Variants in RALGPS2 observed in about 807,000 individuals in gnomAD.
The protein encoded by RALGPS2 is Ral GEF with PH domain and SH3 binding motif 2, also known as ras-specific guanine nucleotide-releasing factor RalGPS2.
Under a neutral mutation model 86.8 loss-of-function variants are expected in RALGPS2, and 43 were observed. The observed-to-expected ratio is 0.50, with a 90% confidence interval of 0.39 to 0.64. The LOEUF (loss-of-function observed/expected upper bound fraction) is 0.64, where lower values mean the gene tolerates loss of function less well. Ranked by LOEUF, RALGPS2 falls within the 30% of genes least tolerant of loss-of-function variation. The pLI is 0.00. For missense variants in RALGPS2, 536 were observed against 694.6 expected (o/e 0.77, Z 2.57); for synonymous variants, 243 against 231.3 (o/e 1.05, Z -0.46).
intron 1 of RALGPS2, among the ~76,000 whole-genome samples, chr1:178,740,163 ATAAC>A (rs1256442904): frequency 1.3e-5 from 2 of 152,218 alleles, no homozygotes; most frequent in African/African-American, 2.4e-5. Context: ...CTTAACTACT[ATAAC>A]TAAGTAGATT....
intron 7 of RALGPS2, among the ~76,000 whole-genome samples, chr1:178,823,046 G>C (rs770942480): frequency 6.6e-6 from 1 of 152,052 alleles, no homozygotes; most frequent in Non-Finnish European, 1.5e-5. Flanking sequence ...GTTTTCGAAC[G>C]CCTGATCTCA....
At chr1:178,811,689 TGATATTTATAAAATATTG>T (rs1228578498) in intron 6 of RALGPS2, among the ~76,000 whole-genome samples, 7 of 152,190 alleles carry the variant, frequency 4.6e-5, no homozygotes, top group African/African-American at 1.7e-4. Flanking sequence ...TGGTAAAGTA[TGATATTTATAAAATATTG>T]GACTATTCTG....
At chr1:178,772,681 C>A (rs1185262738) in intron 1 of RALGPS2, among the ~76,000 whole-genome samples, 2 of 152,270 alleles carry the variant, frequency 1.3e-5, no homozygotes, top group South Asian at 2.1e-4. Context: ...AATGAATCAG[C>A]CCATACTTTC....
intron 1 of RALGPS2, among the ~76,000 whole-genome samples, chr1:178,738,761 A>G (rs1054136701): frequency 6.6e-6 from 1 of 152,192 alleles, no homozygotes; most frequent in Non-Finnish European, 1.5e-5. Context: ...ATTGGGTATA[A>G]TAGTGCCTTC....
At chr1:178,824,047 A>C (rs376257268) in intron 7 of RALGPS2, among the ~76,000 whole-genome samples, 8 of 152,378 alleles carry the variant, frequency 5.3e-5, no homozygotes, top group African/African-American at 1.9e-4. Context: ...CATTTTTCAC[A>C]GTCAGGTAAA....
chr1:178,819,146 G>A (rs566649151), intron 6 of RALGPS2, among the ~76,000 whole-genome samples: 12 of 151,642 alleles, frequency 7.9e-5, no homozygotes, highest in Admixed American at 2.0e-4. Flanking sequence ...ATGCCACCAC[G>A]CACCTGGTTA....
chr1:178,875,356 G>A (rs1658952880), intron 8 of RALGPS2, among the ~76,000 whole-genome samples: 1 of 152,210 alleles, frequency 6.6e-6, no homozygotes, highest in African/African-American at 2.4e-5. Context: ...CTTCCAAGGT[G>A]TTTGTTGAAG....
Position 178,883,526 on chromosome 1 carries a change from T to G in RALGPS2, c.897T>G (p.Asp299Glu). Reference sequence around the variant, plus strand: ...CACGTTCTGCTGCTTCCAGAGAAGATTTAGTAGGTCAGTACGTAGTTTTCT... The same window carrying G: ...CACGTTCTGCTGCTTCCAGAGAAGAGTTAGTAGGTCAGTACGTAGTTTTCT... ...STPRSAASREDLVGPEVGASP... is the reference protein window; with the variant it reads ...STPRSAASREELVGPEVGASP... Residue 299 changes from aspartate to glutamate, a missense_variant, in exon 11 of 20, where the codon GAT becomes GAG. Asp to Glu is a conservative substitution (Grantham distance 45). Around this residue, in one of 3 missense-constraint regions of RALGPS2, gnomAD observed 309 missense variants for 363.0 expected, o/e 0.85. Transcript: ENST00000367635. 1 of 1,610,600 alleles carries G rather than the reference T, an allele frequency of 6.2e-7. No individual in the cohort carries two copies.
Position 178,832,369 on chromosome 1 carries a change from A to G in RALGPS2, c.481-1055A>G, listed in dbSNP as rs544352921. Among the ~76,000 whole-genome samples the G allele has an allele frequency of 1.4e-4, 22 of 152,320 alleles. No individual in the cohort carries two copies. The South Asian group carries it at 4.3e-3, about 30-fold the overall frequency. On this transcript the variant is annotated intron_variant, in intron 7 of 19. Coordinates refer to ENST00000367635, the MANE Select transcript of RALGPS2 (RefSeq NM_152663.5). ...ACAATAGATCCCAACTGTACTACTT[A>G]TAATACTAGAAAGAGTAGTGGATTA...
At chr1:178,783,628 T>C (rs1000345254) in intron 2 of RALGPS2, among the ~76,000 whole-genome samples, 6 of 152,310 alleles carry the variant, frequency 3.9e-5, no homozygotes, top group African/African-American at 1.4e-4. Flanking sequence ...TGTACTGTGC[T>C]AATTGAAACT....
chr1:178,918,448 A>G lies in RALGPS2; in HGVS notation c.*2089A>G, dbSNP rs1660881220. 1 of 152,250 alleles carries G rather than the reference A, an allele frequency of 6.6e-6. No homozygotes were observed. Among genetic ancestry groups the G allele is most frequent in the African/African-American group, 2.4e-5 (1 of 41,582 alleles). 9.4% of individuals were successfully genotyped at this position (152,250 alleles called of 1,614,324 possible). ...GCTAACGTAGAAATGTTGTAGGTTA[A>G]CCATATCTGTGGAAATATGCAGTTG... On this transcript the variant is annotated 3_prime_UTR_variant, in exon 20 of 20. Coordinates refer to ENST00000367635, the MANE Select transcript of RALGPS2 (RefSeq NM_152663.5).
intron 17 of RALGPS2, 145 bp downstream of exon 17, chr1:178,897,901 C>T (rs779802400): frequency 6.7e-6 from 4 of 599,446 alleles, no homozygotes; most frequent in Non-Finnish European, 1.2e-5. Flanking sequence ...ACATTTATTT[C>T]TTTTTTAAAT....
chr1:178,781,402 C>G lies in RALGPS2; in HGVS notation c.58-3016C>G, dbSNP rs146176022. Among the ~76,000 whole-genome samples, 268 of 152,260 alleles carry G rather than the reference C, an allele frequency of 1.8e-3. 1 individual carries two copies. The Middle Eastern group carries it at 0.02, about 12-fold the overall frequency. ...TATATTTAACTCGTGTTTGAAGTTT[C>G]CGTCAGTAGGAGAATTACAGTGAAC... On this transcript the variant is annotated intron_variant, in intron 2 of 19. Transcript: ENST00000367635.
chr1:178,851,732 T>C lies in RALGPS2; in HGVS notation c.607+18182T>C, dbSNP rs1657187737. 3.3e-5 allele frequency among the ~76,000 whole-genome samples: 5 copies of C among 152,164 alleles called. No individual in the cohort carries two copies. In the South Asian group the frequency reaches 1.0e-3, roughly 32 times the overall value. ...AAGTAAAATAAAACCAGCAGTCAAA[T>C]GGGTTTCTGTAAATAAGACATATGT... is the stretch of plus-strand genomic sequence containing the variant. On this transcript the variant is annotated intron_variant, in intron 8 of 19. Transcript: ENST00000367635.
At chr1:178,750,550 G>A (rs557730742) in intron 1 of RALGPS2, among the ~76,000 whole-genome samples, 11 of 152,336 alleles carry the variant, frequency 7.2e-5, no homozygotes, top group South Asian at 2.1e-4. Flanking sequence ...AGTGAATGAC[G>A]TGAACTTTAA....
At chr1:178,851,402 A>G (rs1657167807) in intron 8 of RALGPS2, 1 of 1,234,202 alleles carries the variant, frequency 8.1e-7, no homozygotes, top group African/African-American at 1.6e-5. Context: ...TCTACCTTTA[A>G]TTTGAACTTC....
intron 1 of RALGPS2, 60 bp from the exon 2 acceptor site, chr1:178,776,620 CAT>C: frequency 3.8e-6 from 2 of 530,102 alleles, no homozygotes; most frequent in Non-Finnish European, 6.5e-6. Context: ...TGGTGGTAGG[CAT>C]AGAGTTGTTT....
chr1:178,864,493 A>C (rs934874982), intron 8 of RALGPS2, among the ~76,000 whole-genome samples: 1 of 152,102 alleles, frequency 6.6e-6, no homozygotes, highest in Non-Finnish European at 1.5e-5. Context: ...AGTGGAGATA[A>C]TGAGGTGTAA....
Position 178,732,534 on chromosome 1 carries a change from C to T in RALGPS2, c.-84+7115C>T, listed in dbSNP as rs553880216. Reference sequence around the variant, plus strand: ...AGGATGGTCTCAGATCTCCTGACCTCGTGATCTGCCCATCTTGGCCTCCCA... The same window carrying T: ...AGGATGGTCTCAGATCTCCTGACCTTGTGATCTGCCCATCTTGGCCTCCCA... On this transcript the variant is annotated intron_variant, in intron 1 of 19. Coordinates refer to ENST00000367635, the MANE Select transcript of RALGPS2 (RefSeq NM_152663.5). 8.5e-5 allele frequency among the ~76,000 whole-genome samples: 13 copies of T among 152,082 alleles called. No homozygotes were observed. The East Asian group carries it at 9.7e-4, about 11-fold the overall frequency.
Sources: allele counts gnomAD v4.1 joint callset (sites outside exome capture counted in the v4.1 genomes callset), GRCh38; gene constraint gnomAD v4.1.1; regional missense constraint gnomAD v4.1.1; transcripts MANE v1.5; gene names NCBI Gene and HGNC (gene_info 2026-07-23, HGNC 2026-07-21).